Variants in PCSK6 observed in about 807,000 individuals in gnomAD.
PCSK6 encodes proprotein convertase subtilisin/kexin type 6.
A neutral mutation model predicts 123.3 loss-of-function variants in PCSK6; 85 were observed. The ratio of observed to expected loss-of-function variants is 0.69; its 90% CI spans 0.58 to 0.83. The LOEUF (loss-of-function observed/expected upper bound fraction) is 0.83. Ranked by LOEUF, PCSK6 falls within the 40% of genes least tolerant of loss-of-function variation. The pLI is 0.00. For missense variants in PCSK6, 1,191 were observed against 1,282.3 expected (o/e 0.93, Z 1.09); for synonymous variants, 508 against 516.0 (o/e 0.98, Z 0.21).
intron 1 of PCSK6, among the ~76,000 whole-genome samples, chr15:101,460,090 C>T (rs1325531811): frequency 6.6e-6 from 1 of 152,108 alleles, no homozygotes; most frequent in East Asian, 1.9e-4. Context: ...ACATGGCCAC[C>T]ACTATGCCCC....
chr15:101,359,564 C>T (rs541701396), intron 13 of PCSK6, among the ~76,000 whole-genome samples: 18 of 152,352 alleles, frequency 1.2e-4, no homozygotes, highest in African/African-American at 3.6e-4. Flanking sequence ...ACAGCAGGAC[C>T]GGAAGGAAGG....
Position 101,304,503 on chromosome 15 carries a change from G to T in PCSK6, c.*755C>A, listed in dbSNP as rs1262119571. The stretch of plus-strand genomic sequence containing the variant: ...TGCCTCCTGTTGCCTCTCCTCAGAA[G>T]GCTCTGCATCAGGTCGAGGTGGTCG... On this transcript the variant is annotated 3_prime_UTR_variant, in exon 22 of 22. Coordinates refer to ENST00000611716, the MANE Select transcript of PCSK6 (RefSeq NM_002570.5). 1.3e-5 allele frequency: 2 copies of T among 152,204 alleles called. No homozygotes were observed. Among genetic ancestry groups the T allele is most frequent in the Admixed American group, 1.3e-4 (2 of 15,276 alleles). 9.4% of individuals were successfully genotyped at this position (152,204 alleles called of 1,614,324 possible). A position where few individuals can be genotyped will look rare whatever the true frequency, so the allele number is the denominator to read the frequency against.
intron 13 of PCSK6, among the ~76,000 whole-genome samples, chr15:101,361,164 CTTTTTTT>C (rs754933946): frequency 6.2e-5 from 5 of 80,686 alleles, no homozygotes; most frequent in Non-Finnish European, 1.4e-4. Flanking sequence ...CTTTCTCTCT[CTTTTTTT>C]TTTTTTTTTG....
At chr15:101,366,395 C>T (rs2041392233) in intron 12 of PCSK6, 63 bp from the exon 13 acceptor site, 2 of 1,540,120 alleles carry the variant, frequency 1.3e-6, no homozygotes, top group African/African-American at 1.4e-5. Context: ...GGCGGAGGGG[C>T]TGGCACAAGC....
chr15:101,441,895 G>T (rs189765789), intron 2 of PCSK6, among the ~76,000 whole-genome samples: 3 of 152,120 alleles, frequency 2.0e-5, no homozygotes, highest in Non-Finnish European at 2.9e-5. Flanking sequence ...ATGCTGCGTC[G>T]ACCTCTTTCC....
chr15:101,441,760 A>G (rs908360069), intron 2 of PCSK6, among the ~76,000 whole-genome samples: 1 of 152,232 alleles, frequency 6.6e-6, no homozygotes, highest in African/African-American at 2.4e-5. Flanking sequence ...GCATGCAAAC[A>G]GCTTGCTTTC....
At chr15:101,375,491 C>G (rs746002868) in intron 11 of PCSK6, among the ~76,000 whole-genome samples, 13 of 152,212 alleles carry the variant, frequency 8.5e-5, no homozygotes, top group Non-Finnish European at 1.3e-4. Flanking sequence ...GTCTACAATT[C>G]AACCTGAAGG....
chr15:101,366,150 G>C, intron 13 of PCSK6, 46 bp downstream of exon 13: 4 of 1,575,850 alleles, frequency 2.5e-6, no homozygotes, highest in Non-Finnish European at 3.5e-6. Context: ...GGTAAAAAGA[G>C]GCTTGAGATA....
At chr15:101,414,380 A>G (rs775325517) in intron 6 of PCSK6, among the ~76,000 whole-genome samples, 7 of 152,178 alleles carry the variant, frequency 4.6e-5, no homozygotes, top group Non-Finnish European at 8.8e-5. Context: ...AAAAGAAACA[A>G]TGGTGACCAA....
At chr15:101,409,577 TC>T (rs1050588516) in intron 6 of PCSK6, among the ~76,000 whole-genome samples, 4 of 119,514 alleles carry the variant, frequency 3.3e-5, no homozygotes, top group African/African-American at 1.6e-4. Context: ...AGAGTAAGAC[TC>T]CGTCTCAAAA....
intron 11 of PCSK6, among the ~76,000 whole-genome samples, chr15:101,379,699 G>A (rs1220855860): frequency 1.3e-5 from 2 of 152,234 alleles, no homozygotes; most frequent in Admixed American, 1.3e-4. Context: ...GGGGCAGTTA[G>A]AAGAAGACGG....
chr15:101,381,418 C>T (rs1190678706), intron 11 of PCSK6, among the ~76,000 whole-genome samples: 1 of 152,160 alleles, frequency 6.6e-6, no homozygotes, highest in Non-Finnish European at 1.5e-5. Flanking sequence ...GAAACACTTA[C>T]TCCAAAGAGC....
chr15:101,380,093 T>C (rs1208982551), intron 11 of PCSK6, among the ~76,000 whole-genome samples: 2 of 152,172 alleles, frequency 1.3e-5, no homozygotes, highest in Non-Finnish European at 2.9e-5. Context: ...GAAACAGAAG[T>C]CTGATTCTTC....
intron 1 of PCSK6, among the ~76,000 whole-genome samples, chr15:101,482,297 C>T (rs7178566): frequency 0.045 from 6,815 of 152,240 alleles, 456 homozygotes; most frequent in African/African-American, 0.15. Flanking sequence ...TGAGGGCCTT[C>T]GGAGCAATAG....
rs1248271668 is a variant in PCSK6, at chr15:101,406,547, T to C, written c.824-7971A>G. Among the ~76,000 whole-genome samples, 3 of 152,320 alleles carry C rather than the reference T, an allele frequency of 2.0e-5. No homozygotes were observed. The East Asian group carries it at 5.8e-4, about 29-fold the overall frequency. On this transcript the variant is annotated intron_variant, in intron 6 of 21. Transcript: ENST00000611716. Reference sequence around the variant, plus strand: ...TAAAACTATAGCACATTCTGTTCTATGAGCAGCCATTCCGGGCCAAGTAAG... The same window carrying C: ...TAAAACTATAGCACATTCTGTTCTACGAGCAGCCATTCCGGGCCAAGTAAG...
chr15:101,368,896 C>CG (rs1377836106), intron 12 of PCSK6, among the ~76,000 whole-genome samples: 3 of 152,168 alleles, frequency 2.0e-5, no homozygotes, highest in Non-Finnish European at 4.4e-5. Flanking sequence ...AAAAACACCA[C>CG]GGGGAGCAAC....
chr15:101,428,505 G>A (rs2141109903), intron 5 of PCSK6, among the ~76,000 whole-genome samples: 1 of 152,328 alleles, frequency 6.6e-6, no homozygotes, highest in South Asian at 2.1e-4. Context: ...GTGCTTCTAA[G>A]GCCATTTAAG....
chr15:101,438,907 C>T (rs2141139713), intron 2 of PCSK6, among the ~76,000 whole-genome samples: 1 of 152,242 alleles, frequency 6.6e-6, no homozygotes, highest in South Asian at 2.1e-4. Flanking sequence ...GGGAAGAGAG[C>T]AACAGCAGGG....
chr15:101,454,493 G>C (rs1399597410), intron 1 of PCSK6, among the ~76,000 whole-genome samples: 1 of 152,190 alleles, frequency 6.6e-6, no homozygotes. Flanking sequence ...GAGCCTGGAG[G>C]ACGCTGTGCT....
Sources: allele counts gnomAD v4.1 joint callset (sites outside exome capture counted in the v4.1 genomes callset), GRCh38; gene constraint gnomAD v4.1.1; transcripts MANE v1.5; gene names NCBI Gene and HGNC (gene_info 2026-07-23, HGNC 2026-07-21).